Variants in INO80 observed in about 807,000 individuals in gnomAD.
INO80 encodes the protein INO80 complex ATPase subunit, also known as chromatin-remodeling ATPase INO80.
In INO80, 20 loss-of-function variants were observed where a neutral mutation model predicts 203.4. The observed-to-expected ratio is 0.10, with a 90% CI of 0.07 to 0.14. INO80 has a LOEUF of 0.14. Ranked by LOEUF, INO80 falls within the 10% of genes least tolerant of loss-of-function variation. INO80 has a pLI of 1.00. For synonymous variants in INO80, 726 were observed against 685.2 expected (o/e 1.06, Z -0.93); for missense variants, 1,419 against 1,914.4 (o/e 0.74, Z 4.83).
chr15:40,992,619 A>G (rs1051118885), intron 29 of INO80, among the ~76,000 whole-genome samples: 2 of 152,326 alleles, frequency 1.3e-5, no homozygotes, highest in African/African-American at 4.8e-5. Context: ...AACTAATCCT[A>G]CTGTTTCTCT....
In INO80 at chr15:41,049,847, T is replaced by C. The variant is rs755408536; in HGVS notation, c.2442+88A>G. Reference sequence around the variant, plus strand: ...GTTGCAGTGAGCCGAAATCACGCCATTGCACTCCAGCCTGGGCAACAGAGC... The same window carrying C: ...GTTGCAGTGAGCCGAAATCACGCCACTGCACTCCAGCCTGGGCAACAGAGC... On this transcript the variant is annotated intron_variant, in intron 20 of 35. Transcript: ENST00000648947. 84 of 1,230,962 alleles carry C rather than the reference T, an allele frequency of 6.8e-5. 1 individual carries two copies. Among genetic ancestry groups the C allele is most frequent in the Middle Eastern group, 5.9e-4 (3 of 5,094 alleles). 76.3% of individuals were successfully genotyped at this position (1,230,962 alleles called of 1,614,324 possible).
intron 27 of INO80, among the ~76,000 whole-genome samples, chr15:41,013,452 AT>A (rs1438118673): frequency 2.0e-5 from 3 of 152,200 alleles, no homozygotes; most frequent in Non-Finnish European, 4.4e-5. Context: ...AGTTTCTATT[AT>A]GAAAGTGACT....
chr15:41,062,563 C>T (rs545555306), intron 14 of INO80, among the ~76,000 whole-genome samples: 1 of 152,306 alleles, frequency 6.6e-6, no homozygotes, highest in South Asian at 2.1e-4. Context: ...AAAATAAATA[C>T]ATGACTAGTG....
chr15:40,989,177 C>G (rs2043783578), intron 29 of INO80, among the ~76,000 whole-genome samples: 1 of 152,190 alleles, frequency 6.6e-6, no homozygotes, highest in South Asian at 2.1e-4. Context: ...GAAACTCTGT[C>G]ACAAAACAAA....
Position 41,085,860 on chromosome 15 carries a change from T to G in INO80, c.659-277A>C, listed in dbSNP as rs532610747. ...ACAGAATAAAACCCGAGAACCAAATTTCTTTTATTTTTTTTCCGAGACGGA... is the reference window on the plus strand; with the variant it reads ...ACAGAATAAAACCCGAGAACCAAATGTCTTTTATTTTTTTTCCGAGACGGA... On this transcript the variant is annotated intron_variant, in intron 6 of 35. Transcript: ENST00000648947. 5.3e-5 allele frequency among the ~76,000 whole-genome samples: 8 copies of G among 152,246 alleles called. No homozygotes were observed. The South Asian group carries it at 1.5e-3, about 28-fold the overall frequency.
intron 1 of INO80, among the ~76,000 whole-genome samples, chr15:41,114,208 A>C (rs2045995183): frequency 1.3e-5 from 2 of 151,798 alleles, no homozygotes; most frequent in Non-Finnish European, 2.9e-5. Flanking sequence ...CGGAAGCTGC[A>C]GTGAGCCGAG....
intron 4 of INO80, among the ~76,000 whole-genome samples, chr15:41,094,873 C>A (rs2045698144): frequency 6.6e-6 from 1 of 152,050 alleles, no homozygotes; most frequent in Non-Finnish European, 1.5e-5. Flanking sequence ...AGGTCACAGT[C>A]AAAACACAGG....
At chr15:41,051,131 A>AAAAAAAAAAAAAAG (rs2044862917) in intron 19 of INO80, among the ~76,000 whole-genome samples, 2 of 149,784 alleles carry the variant, frequency 1.3e-5, no homozygotes, top group South Asian at 2.1e-4. Context: ...TCCATCTCAA[A>AAAAAAAAAAAAAAG]AAAAAAAAAA....
At chr15:41,108,375 G>C (rs2045911834) in intron 1 of INO80, among the ~76,000 whole-genome samples, 1 of 151,490 alleles carries the variant, frequency 6.6e-6, no homozygotes, top group Admixed American at 6.6e-5. Flanking sequence ...GGATCACAAG[G>C]TCAGGAGATC....
chr15:41,083,712 C>CAAAAAAAAAA (rs10706037), intron 7 of INO80, among the ~76,000 whole-genome samples: 1 of 85,628 alleles, frequency 1.2e-5, no homozygotes, highest in Admixed American at 1.4e-4. Flanking sequence ...GACTCCGTCT[C>CAAAAAAAAAA]AAAAAAAAAA....
intron 7 of INO80, among the ~76,000 whole-genome samples, chr15:41,084,257 A>G (rs2045527142): frequency 6.6e-6 from 1 of 151,104 alleles, no homozygotes; most frequent in South Asian, 2.1e-4. Context: ...TTTTGAAATT[A>G]TATCAAAATA....
chr15:41,016,030 C>A (rs1259371321), intron 27 of INO80, 58 bp downstream of exon 27: 1 of 1,424,112 alleles, frequency 7.0e-7, no homozygotes, highest in Non-Finnish European at 9.8e-7. Flanking sequence ...TCATGGACAT[C>A]TGATTCCTAC....
intron 18 of INO80, 62 bp downstream of exon 18, chr15:41,055,185 T>A: frequency 1.3e-6 from 1 of 793,688 alleles, no homozygotes; most frequent in Non-Finnish European, 2.0e-6. Context: ...AAAGAAAATA[T>A]GCAATTACGT....
intron 19 of INO80, among the ~76,000 whole-genome samples, chr15:41,053,385 A>G (rs4924535): frequency 1 from 152,124 of 152,268 alleles, 75,990 homozygotes; most frequent in Middle Eastern, 1. Flanking sequence ...GATTACAGGC[A>G]TGAGCCACCG....
intron 11 of INO80, among the ~76,000 whole-genome samples, chr15:41,072,733 GT>G (rs1318329104): frequency 6.6e-6 from 1 of 150,386 alleles, no homozygotes; most frequent in Non-Finnish European, 1.5e-5. Context: ...TAACGTAGCA[GT>G]TTTTTGAAAC....
At chr15:41,113,303 T>A (rs1041353987) in intron 1 of INO80, among the ~76,000 whole-genome samples, 1 of 149,976 alleles carries the variant, frequency 6.7e-6, no homozygotes, top group Non-Finnish European at 1.5e-5. Context: ...TTTGCTCTTG[T>A]TGCACTCCAC....
At chr15:41,044,840 T>C (rs1480989357) in intron 24 of INO80, 64 bp downstream of exon 24, 9 of 1,479,358 alleles carry the variant, frequency 6.1e-6, no homozygotes, top group Non-Finnish European at 8.2e-6. Context: ...CTATTATTTT[T>C]ACTTATTCAA....
In INO80 at chr15:41,059,825, G is replaced by T. The variant is rs553662174; in HGVS notation, c.1842+42C>A. The T allele has an allele frequency of 7.8e-6, 10 of 1,280,980 alleles. No homozygotes were observed. The South Asian group carries it at 1.0e-4, about 13-fold the overall frequency. 79.4% of individuals were successfully genotyped at this position (1,280,980 alleles called of 1,614,324 possible). ...CACATCAATTAGAGAAATAATGACT[G>T]CATGTACGGTACGTATGTATGCAGT... is the stretch of plus-strand genomic sequence containing the variant. On this transcript the variant is annotated intron_variant, in intron 15 of 35. Coordinates refer to ENST00000648947, the MANE Select transcript of INO80 (RefSeq NM_017553.3).
chr15:41,079,953 T>C, intron 8 of INO80, 49 bp from the exon 9 acceptor site: 1 of 1,505,816 alleles, frequency 6.6e-7, no homozygotes, highest in Non-Finnish European at 9.2e-7. Context: ...TACCAGAAGC[T>C]GGTTCTTCCT....
Sources: allele counts gnomAD v4.1 joint callset (sites outside exome capture counted in the v4.1 genomes callset), GRCh38; gene constraint gnomAD v4.1.1; transcripts MANE v1.5; gene names NCBI Gene and HGNC (gene_info 2026-07-23, HGNC 2026-07-21).